Variants in GNB5 observed in about 807,000 individuals in gnomAD.
The protein encoded by GNB5 is G protein subunit beta 5, also known as guanine nucleotide-binding protein subunit beta-5.
A neutral mutation model predicts 55.3 loss-of-function variants in GNB5; 37 were observed. The observed-to-expected ratio is 0.67, with a 90% CI of 0.51 to 0.88. The LOEUF is 0.88. Ranked by LOEUF, GNB5 falls within the 40% of genes least tolerant of loss-of-function variation. GNB5 has a pLI of 0.00. For missense variants in GNB5, 476 were observed against 515.3 expected (o/e 0.92, Z 0.74); for synonymous variants, 219 against 198.5 (o/e 1.10, Z -0.87).
intron 5 of GNB5, chr15:52,149,477 C>G: frequency 2.3e-6 from 1 of 439,914 alleles, no homozygotes; most frequent in Non-Finnish European, 4.1e-6. Flanking sequence ...GCCTCATCTT[C>G]CCCACCCTCC....
At chr15:52,141,312 G>C (rs2033848113) in intron 6 of GNB5, 40 bp from the exon 7 acceptor site, 1 of 1,584,584 alleles carries the variant, frequency 6.3e-7, no homozygotes, top group African/African-American at 1.3e-5. Context: ...TTAATGCAGA[G>C]TCACAGAATA....
intron 7 of GNB5, among the ~76,000 whole-genome samples, chr15:52,136,095 A>T (rs1175859543): frequency 7.5e-6 from 1 of 133,920 alleles, no homozygotes; most frequent in Non-Finnish European, 1.6e-5. Context: ...ACACACACAC[A>T]CACAGGGAAA....
At chr15:52,141,387 A>C in intron 6 of GNB5, 115 bp from the exon 7 acceptor site, 2 of 735,524 alleles carry the variant, frequency 2.7e-6, no homozygotes, top group Non-Finnish European at 4.3e-6. Context: ...CATATATTGT[A>C]CCCTTTCCTC....
intron 6 of GNB5, among the ~76,000 whole-genome samples, chr15:52,145,514 G>A (rs1057040897): frequency 2.0e-5 from 3 of 151,860 alleles, no homozygotes; most frequent in Non-Finnish European, 2.9e-5. Flanking sequence ...ACGTGGTGGT[G>A]CACGCCTGTA....
rs117343609 is a variant in GNB5, at chr15:52,183,965, G to A, written c.126+586C>T. Reference sequence around the variant, plus strand: ...GTCTTTGTTGAAGGCTTAGGCCCAAGGAGTACTTCTGAGCTGAATTTTGCT... The same window carrying A: ...GTCTTTGTTGAAGGCTTAGGCCCAAAGAGTACTTCTGAGCTGAATTTTGCT... On this transcript the variant is annotated intron_variant, in intron 2 of 12. Coordinates refer to ENST00000261837, the MANE Select transcript of GNB5 (RefSeq NM_016194.4). Among the ~76,000 whole-genome samples, 962 of 152,310 alleles carry A rather than the reference G, an allele frequency of 6.3e-3. 5 individuals are homozygous for A. Among genetic ancestry groups the A allele is most frequent in the Middle Eastern group, 0.01 (3 of 294 alleles).
At chr15:52,145,017 G>A (rs1021107882) in intron 6 of GNB5, among the ~76,000 whole-genome samples, 9 of 152,064 alleles carry the variant, frequency 5.9e-5, no homozygotes, top group African/African-American at 1.4e-4. Context: ...TGAGTTTGGC[G>A]AGTTGTTTTA....
intron 3 of GNB5, among the ~76,000 whole-genome samples, chr15:52,169,610 A>AAGAG (rs910018923): frequency 2.4e-4 from 37 of 151,712 alleles, no homozygotes; most frequent in Middle Eastern, 3.4e-3. Context: ...AAGAAAAGAA[A>AAGAG]AGAGGTAAAG....
At chr15:52,166,509 T>A (rs538393959) in intron 3 of GNB5, among the ~76,000 whole-genome samples, 1 of 152,250 alleles carries the variant, frequency 6.6e-6, no homozygotes, top group East Asian at 1.9e-4. Flanking sequence ...GAAATCAAAT[T>A]AGAACTCAAG....
chr15:52,123,459 T>G (rs1468475390), intron 12 of GNB5: 2 of 152,052 alleles, frequency 1.3e-5, no homozygotes, highest in Non-Finnish European at 2.9e-5. Context: ...CATCCTCTTC[T>G]GAGATGCCAC....
Position 52,117,102 on chromosome 15 carries a change from A to ATATATTTTTTTTTTTTTTTT in GNB5, c.*5654_*5655insAAAAAAAAAAAAAAAATATA. The ATATATTTTTTTTTTTTTTTT allele has an allele frequency of 6.4e-4, 56 of 87,082 alleles. 3 individuals carry two copies. Among genetic ancestry groups the ATATATTTTTTTTTTTTTTTT allele is most frequent in the African/African-American group, 3.4e-3 (56 of 16,430 alleles). The allele number at this position is 87,082 out of a possible 1,614,324, so 5.4% of individuals were successfully genotyped here. A position where few individuals can be genotyped will look rare whatever the true frequency, so the allele number is the denominator to read the frequency against. On this transcript the variant is annotated 3_prime_UTR_variant, in exon 13 of 13. Transcript: ENST00000261837. ...CCACGCCCAGCTAATATATATATAT[A>ATATATTTTTTTTTTTTTTTT]TTTTTTTTTAGTACAGACAGGGTTT...
In GNB5 at chr15:52,124,583, T is replaced by A; in HGVS notation, c.1066A>T (p.Lys356Ter). 1 of 1,614,016 alleles carries A rather than the reference T, an allele frequency of 6.2e-7. No individual in the cohort carries two copies. The highest frequency in any genetic ancestry group is 8.5e-7 in the Non-Finnish European group (1 of 1,179,852). Residue 356 changes from lysine to a stop codon, truncating the protein, a stop_gained, in exon 12 of 13, where the codon AAA becomes TAA. Coordinates refer to ENST00000261837, the MANE Select transcript of GNB5 (RefSeq NM_016194.4). LOFTEE classifies it high-confidence loss of function. ...AACAGGATGGAGACCCGGGACCCTT[T>A]GAGAACATCCCAGACGTTGATAGTG... Reference protein sequence around the residue: ...DYTINVWDVLKGSRVSILFGH... With the variant: ...DYTINVWDVL
rs1200841344 is a variant in GNB5, at chr15:52,161,991, GAGGGAGGGTGACGGCCAGAC to G, written c.239-7935_239-7916del. On this transcript the variant is annotated intron_variant, in intron 3 of 12. Transcript: ENST00000261837. Reference sequence around the variant, plus strand: ...GGCAGAGCTGAGCTGGTGAACAGTGGAGGGAGGGTGACGGCCAGACAGGAAGGCACGTCTACCCCTAAGTT... The same window carrying G: ...GGCAGAGCTGAGCTGGTGAACAGTGGAGGAAGGCACGTCTACCCCTAAGTT... Among the ~76,000 whole-genome samples the G allele has an allele frequency of 2.0e-5, 3 of 152,194 alleles. No individual in the cohort carries two copies. The East Asian group carries it at 5.8e-4, about 29-fold the overall frequency.
At chr15:52,147,764 G>T (rs2034007751) in intron 5 of GNB5, among the ~76,000 whole-genome samples, 2 of 151,998 alleles carry the variant, frequency 1.3e-5, no homozygotes, top group Admixed American at 1.3e-4. Context: ...TGTATTTTTA[G>T]TAAAGATGGG....
At chr15:52,166,848 G>A (rs1326221313) in intron 3 of GNB5, among the ~76,000 whole-genome samples, 1 of 152,016 alleles carries the variant, frequency 6.6e-6, no homozygotes, top group African/African-American at 2.4e-5. Context: ...GGAACTAAAG[G>A]AGATAGAGAC....
At chr15:52,173,963 TA>T (rs923642466) in intron 3 of GNB5, among the ~76,000 whole-genome samples, 7 of 152,342 alleles carry the variant, frequency 4.6e-5, no homozygotes, top group Admixed American at 4.6e-4. Flanking sequence ...GATACTATCT[TA>T]CGGCAAAAGG....
intron 3 of GNB5, among the ~76,000 whole-genome samples, chr15:52,163,822 G>T (rs540237766): frequency 6.6e-6 from 1 of 152,196 alleles, no homozygotes; most frequent in Non-Finnish European, 1.5e-5. Flanking sequence ...CTCCAGGAGC[G>T]TTCCAGCTGG....
rs1690966629 is a variant in GNB5 at position 52,126,054 on chromosome 15, A to G, written c.913-10T>C. 1 of 1,387,824 alleles carries G rather than the reference A, an allele frequency of 7.2e-7. No homozygotes were observed. The highest frequency in any genetic ancestry group is 1.0e-6 in the Non-Finnish European group (1 of 981,768). 86.0% of individuals were successfully genotyped at this position (1,387,824 alleles called of 1,614,324 possible). A position where few individuals can be genotyped will look rare whatever the true frequency, so the allele number is the denominator to read the frequency against. On this transcript the variant is annotated splice_polypyrimidine_tract_variant and intron_variant, in intron 10 of 12. Transcript: ENST00000261837. ...GGTCATAGAGGCGACACTGGGGAGC[A>G]AATAAATAAAGAAGCACTTACTTCT... is the stretch of plus-strand genomic sequence containing the variant.
intron 4 of GNB5, among the ~76,000 whole-genome samples, chr15:52,153,442 A>C (rs1194424436): frequency 1.3e-5 from 2 of 152,208 alleles, no homozygotes; most frequent in South Asian, 2.1e-4. Context: ...CGAGATAATT[A>C]AGCTGCTAAA....
In GNB5 at chr15:52,172,011, G is replaced by C. The variant is rs190182314; in HGVS notation, c.238+7757C>G. Among the ~76,000 whole-genome samples the C allele has an allele frequency of 1.8e-3, 276 of 152,338 alleles. 1 individual carries two copies. The highest frequency in any genetic ancestry group is 3.0e-3 in the Non-Finnish European group (207 of 68,024). On this transcript the variant is annotated intron_variant, in intron 3 of 12. Transcript: ENST00000261837. ...ACAGCCCCAGGAGGCTGCTGTGCCT[G>C]TTGGCTGAAATGAACACCATGTCCT...
Sources: gnomAD v4.1 joint callset for allele counts (sites outside exome capture counted in the v4.1 genomes callset) on GRCh38, gnomAD v4.1.1 for gene constraint, MANE v1.5 for transcripts, NCBI Gene and HGNC (gene_info 2026-07-23, HGNC 2026-07-21) for gene names.